The following GNG12 variants were observed in gnomAD, a reference collection of about 807,000 sequenced individuals.
GNG12 encodes guanine nucleotide-binding protein G(I)/G(S)/G(O) subunit gamma-12.
For missense variants in GNG12, 69 were observed against 83.8 expected, an observed-to-expected ratio of 0.82 and a Z score of 0.69; for synonymous variants, 28 against 29.7, an observed-to-expected ratio of 0.94 and a Z score of 0.19.
At chr1:67,827,929 A>G (rs1448272298) in intron 1 of GNG12, among the ~76,000 whole-genome samples, 1 of 152,206 alleles carries the variant, frequency 6.6e-6, no homozygotes, top group Admixed American at 6.5e-5. Context: ...AAATGGAATA[A>G]TCTAGCTACA....
intron 2 of GNG12, among the ~76,000 whole-genome samples, chr1:67,737,449 A>AG (rs1400943847): frequency 6.6e-6 from 1 of 152,204 alleles, no homozygotes; most frequent in Admixed American, 6.5e-5. Context: ...CTCTGGGCCC[A>AG]GGGTCAAGAA....
intron 2 of GNG12, among the ~76,000 whole-genome samples, chr1:67,722,196 G>A (rs1315537941): frequency 6.6e-6 from 1 of 152,146 alleles, no homozygotes; most frequent in Non-Finnish European, 1.5e-5. Context: ...ACATGGTGCT[G>A]CATCCATTTT....
At chr1:67,783,523 T>C (rs943410762) in intron 1 of GNG12, among the ~76,000 whole-genome samples, 35 of 151,868 alleles carry the variant, frequency 2.3e-4, no homozygotes, top group African/African-American at 8.5e-4. Context: ...ACCATCAGAG[T>C]GAACAGGCAA....
chr1:67,741,963 C>T (rs1216873101), intron 2 of GNG12, among the ~76,000 whole-genome samples: 1 of 152,202 alleles, frequency 6.6e-6, no homozygotes. Context: ...CATTGCTCTA[C>T]TTGCCTGGGC....
intron 1 of GNG12, among the ~76,000 whole-genome samples, chr1:67,808,007 G>A (rs865984372): frequency 2.6e-5 from 4 of 152,070 alleles, no homozygotes; most frequent in East Asian, 1.9e-4. Context: ...AAGACATTAC[G>A]AGAAAACTTA....
rs951580566 is a variant in GNG12 at position 67,813,181 on chromosome 1, G to A, written c.-77+20163C>T. 4.7e-5 allele frequency among the ~76,000 whole-genome samples: 7 copies of A among 147,932 alleles called. No individual in the cohort carries two copies. In the East Asian group the frequency reaches 6.0e-4, roughly 13 times the overall value. On this transcript the variant is annotated intron_variant, in intron 1 of 3. Transcript: ENST00000370982. ...GAACATGCTCTTGGACTTATTTCCC[G>A]TAGAAATGCAGTTGCTGAATACGAA... is the stretch of plus-strand genomic sequence containing the variant.
chr1:67,729,925 G>C (rs1646409190), intron 2 of GNG12, among the ~76,000 whole-genome samples: 1 of 152,190 alleles, frequency 6.6e-6, no homozygotes, highest in Non-Finnish European at 1.5e-5. Flanking sequence ...CAACTGGTTG[G>C]TGGGAATGTA....
At chr1:67,735,867 G>A (rs999259499) in intron 2 of GNG12, among the ~76,000 whole-genome samples, 1 of 152,064 alleles carries the variant, frequency 6.6e-6, no homozygotes, top group African/African-American at 2.4e-5. Context: ...TTTAAAAATA[G>A]TTCAGACAGA....
At chr1:67,766,256 C>T (rs1570528210) in intron 2 of GNG12, among the ~76,000 whole-genome samples, 1 of 152,106 alleles carries the variant, frequency 6.6e-6, no homozygotes, top group East Asian at 1.9e-4. Flanking sequence ...CCCTTGAGGG[C>T]TCATTTTAAA....
intron 2 of GNG12, among the ~76,000 whole-genome samples, chr1:67,748,583 C>T (rs765929753): frequency 2.0e-5 from 3 of 152,060 alleles, no homozygotes; most frequent in Non-Finnish European, 1.5e-5. Context: ...CTGTTTTATT[C>T]GCACCCTCTA....
At chr1:67,751,892 C>T (rs928773265) in intron 2 of GNG12, among the ~76,000 whole-genome samples, 6 of 152,178 alleles carry the variant, frequency 3.9e-5, no homozygotes, top group African/African-American at 1.2e-4. Context: ...CTGGAGTCCA[C>T]AGCTGTCTTT....
chr1:67,763,118 A>AGAGAGAGAGAGAGAGAGAGAGAGAAT (rs1279246951), intron 2 of GNG12, among the ~76,000 whole-genome samples: 2 of 151,696 alleles, frequency 1.3e-5, no homozygotes, highest in African/African-American at 2.4e-5. Flanking sequence ...AGAGAGAGAG[A>AGAGAGAGAGAGAGAGAGAGAGAGAAT]GAATCAATAT....
chr1:67,821,839 A>G (rs1427557043), intron 1 of GNG12, among the ~76,000 whole-genome samples: 1 of 151,960 alleles, frequency 6.6e-6, no homozygotes. Flanking sequence ...ATACCGGCAC[A>G]TCTAATCAAT....
At chr1:67,726,600 C>T (rs939413393) in intron 2 of GNG12, among the ~76,000 whole-genome samples, 10 of 152,282 alleles carry the variant, frequency 6.6e-5, no homozygotes, top group African/African-American at 1.9e-4. Context: ...TGTCACATTA[C>T]AAAAAGATTC....
chr1:67,788,254 G>T (rs1646781305), intron 1 of GNG12, among the ~76,000 whole-genome samples: 1 of 152,234 alleles, frequency 6.6e-6, no homozygotes, highest in African/African-American at 2.4e-5. Flanking sequence ...CTAGCCAGAA[G>T]AGTGGTCTGA....
At chr1:67,832,054 C>T (rs779345170) in intron 1 of GNG12, among the ~76,000 whole-genome samples, 5 of 152,178 alleles carry the variant, frequency 3.3e-5, no homozygotes, top group Non-Finnish European at 5.9e-5. Flanking sequence ...CCAAAAGATT[C>T]ATTATACACA....
chr1:67,767,162 T>C (rs1646645431), intron 2 of GNG12, among the ~76,000 whole-genome samples: 1 of 152,204 alleles, frequency 6.6e-6, no homozygotes. Context: ...CTTAGGGCTC[T>C]TTAACTGCTG....
At chr1:67,721,504 A>C (rs983488314) in intron 2 of GNG12, among the ~76,000 whole-genome samples, 7 of 152,188 alleles carry the variant, frequency 4.6e-5, no homozygotes, top group African/African-American at 1.7e-4. Context: ...CTAAAGCTTA[A>C]GGACCACCCC....
intron 2 of GNG12, among the ~76,000 whole-genome samples, chr1:67,763,532 C>CTT (rs113420131): frequency 1.4e-5 from 2 of 143,714 alleles, no homozygotes; most frequent in South Asian, 2.2e-4. Context: ...ATATCCATCA[C>CTT]TTTTTTTTTT....
Sources: allele counts gnomAD v4.1 joint callset (sites outside exome capture counted in the v4.1 genomes callset), GRCh38; gene constraint gnomAD v4.1.1; transcripts MANE v1.5; gene names NCBI Gene and HGNC (gene_info 2026-07-23, HGNC 2026-07-21).